RAB30: variants seen among roughly 807,000 people sequenced by gnomAD.
RAB30 encodes the protein RAB30, member RAS oncogene family.
In RAB30, 9 loss-of-function variants were observed where a neutral mutation model predicts 25.1. The observed-to-expected ratio is 0.36, with a 90% CI of 0.22 to 0.63. The LOEUF (loss-of-function observed/expected upper bound fraction) is 0.63. RAB30 is among the 20% of genes least tolerant of loss of function. The pLI is 0.69. For synonymous variants in RAB30, 77 were observed against 86.4 expected, an observed-to-expected ratio of 0.89 and a Z score of 0.60; for missense variants, 140 against 243.5, an observed-to-expected ratio of 0.58 and a Z score of 2.83.
In RAB30 at chr11:82,977,068, A is replaced by C. The variant is rs1009786478; in HGVS notation, c.*5097T>G. On this transcript the variant is annotated 3_prime_UTR_variant, in exon 5 of 5. Coordinates refer to ENST00000527633, the MANE Select transcript of RAB30 (RefSeq NM_001286060.2). ...CTGTTTGTGAGAACTTTAACAGAAGATTCTGCTCTGTTAAAAAGGCCTATC... is the reference window on the plus strand; with the variant it reads ...CTGTTTGTGAGAACTTTAACAGAAGCTTCTGCTCTGTTAAAAAGGCCTATC... 6.6e-6 allele frequency: 1 copy of C among 152,200 alleles called. No individual in the cohort carries two copies. The highest frequency in any genetic ancestry group is 1.5e-5 in the Non-Finnish European group (1 of 68,026). The allele number at this position is 152,200 out of a possible 1,614,324, so 9.4% of individuals were successfully genotyped here.
chr11:83,005,862 A>T (rs553847485), intron 1 of RAB30, among the ~76,000 whole-genome samples: 5 of 152,088 alleles, frequency 3.3e-5, no homozygotes, highest in African/African-American at 1.2e-4. Flanking sequence ...AAAATGAATA[A>T]GAAAAATTCA....
intron 1 of RAB30, among the ~76,000 whole-genome samples, chr11:83,070,060 G>A (rs1858795787): frequency 8.0e-6 from 1 of 125,194 alleles, no homozygotes; most frequent in Non-Finnish European, 1.6e-5. Context: ...TTTTGAAACA[G>A]AAAGGAAAAA....
intron 1 of RAB30, among the ~76,000 whole-genome samples, chr11:83,022,836 T>C (rs1857612258): frequency 6.6e-6 from 1 of 152,168 alleles, no homozygotes; most frequent in African/African-American, 2.4e-5. Context: ...TTTTTTGTTT[T>C]AGATACAATT....
intron 1 of RAB30, among the ~76,000 whole-genome samples, chr11:83,069,977 G>A (rs1858794178): frequency 6.6e-6 from 1 of 152,204 alleles, no homozygotes; most frequent in Non-Finnish European, 1.5e-5. Context: ...GTTCCTAGTT[G>A]AAGTGGAGGA....
chr11:83,032,796 C>T (rs1857898417), intron 1 of RAB30, among the ~76,000 whole-genome samples: 1 of 152,076 alleles, frequency 6.6e-6, no homozygotes, highest in Non-Finnish European at 1.5e-5. Context: ...AGAGTGTACT[C>T]TAAAGGTAAA....
At chr11:83,012,906 T>C (rs996511487) in intron 1 of RAB30, among the ~76,000 whole-genome samples, 4 of 151,968 alleles carry the variant, frequency 2.6e-5, no homozygotes, top group African/African-American at 9.7e-5. Flanking sequence ...CCTAGACAGG[T>C]TCATCCCTTC....
chr11:82,982,156 C>T lies in RAB30; in HGVS notation c.*9G>A, dbSNP rs371330565. The T allele has an allele frequency of 1.2e-5, 19 of 1,613,836 alleles. No individual in the cohort carries two copies. Among genetic ancestry groups the T allele is most frequent in the Non-Finnish European group, 1.5e-5 (18 of 1,179,844 alleles). On this transcript the variant is annotated 3_prime_UTR_variant, in exon 5 of 5. Transcript: ENST00000527633. Reference sequence around the variant, plus strand: ...TTGCTGATTCCTTTTCTTCTCCGTGCCTCAGCCTTTAGTTGAAATTACAAC... The same window carrying T: ...TTGCTGATTCCTTTTCTTCTCCGTGTCTCAGCCTTTAGTTGAAATTACAAC...
intron 1 of RAB30, among the ~76,000 whole-genome samples, chr11:83,031,716 G>A (rs974475250): frequency 1.3e-5 from 2 of 152,022 alleles, no homozygotes; most frequent in African/African-American, 4.8e-5. Flanking sequence ...TAGGAGAGAT[G>A]GGGTTTCTCC....
chr11:83,049,347 G>A (rs1277386924), intron 1 of RAB30, among the ~76,000 whole-genome samples: 1 of 151,118 alleles, frequency 6.6e-6, no homozygotes, highest in Admixed American at 6.6e-5. Flanking sequence ...GGAGGCGGAG[G>A]TTGCAGTGAG....
intron 1 of RAB30, among the ~76,000 whole-genome samples, chr11:83,028,534 A>G (rs1168679326): frequency 2.0e-5 from 3 of 152,208 alleles, no homozygotes; most frequent in Non-Finnish European, 4.4e-5. Flanking sequence ...AGAAGATTTT[A>G]CAAACTGTCA....
chr11:82,990,576 A>T (rs974804079), intron 3 of RAB30, among the ~76,000 whole-genome samples: 1 of 152,232 alleles, frequency 6.6e-6, no homozygotes, highest in African/African-American at 2.4e-5. Context: ...ACAAATACAT[A>T]TAAATACTTT....
At chr11:83,044,814 C>T (rs1858201693) in intron 1 of RAB30, among the ~76,000 whole-genome samples, 1 of 152,142 alleles carries the variant, frequency 6.6e-6, no homozygotes, top group Non-Finnish European at 1.5e-5. Flanking sequence ...CCCCAGGATG[C>T]TTCAGAATAT....
intron 1 of RAB30, among the ~76,000 whole-genome samples, chr11:83,001,332 T>C (rs1445811474): frequency 6.6e-6 from 1 of 152,128 alleles, no homozygotes; most frequent in Non-Finnish European, 1.5e-5. Context: ...CAAGCCACTG[T>C]GCCCAGCTAA....
At chr11:83,048,192 T>C (rs2121517379) in intron 1 of RAB30, among the ~76,000 whole-genome samples, 1 of 152,192 alleles carries the variant, frequency 6.6e-6, no homozygotes, top group East Asian at 1.9e-4. Flanking sequence ...TATGCTGGCC[T>C]AGAAGGTTTA....
intron 1 of RAB30, among the ~76,000 whole-genome samples, chr11:83,017,151 T>A (rs1268911331): frequency 1.3e-5 from 2 of 152,042 alleles, no homozygotes; most frequent in Non-Finnish European, 2.9e-5. Context: ...ACAGCCTGAG[T>A]AACATGGCAA....
chr11:82,994,016 TTAGTGAA>T lies in RAB30; in HGVS notation c.177+16_177+22del. On this transcript the variant is annotated intron_variant, in intron 3 of 4. Coordinates refer to ENST00000527633, the MANE Select transcript of RAB30 (RefSeq NM_001286060.2). ...ACCTCTCACATAGCACCTGACAACC[TTAGTGAA>T]TATTTAGCACCTTACCTTTACTTTT... 6.5e-7 allele frequency: 1 copy of T among 1,549,514 alleles called. No homozygotes were observed. The highest frequency in any genetic ancestry group is 1.4e-5 in the African/African-American group (1 of 73,522).
At chr11:83,034,574 A>T (rs999043573) in intron 1 of RAB30, 3 of 152,176 alleles carry the variant, frequency 2.0e-5, no homozygotes, top group African/African-American at 7.2e-5. Flanking sequence ...TGAAACAGTC[A>T]TTTAAAAAAA....
chr11:82,978,820 T>G lies in RAB30; in HGVS notation c.*3345A>C, dbSNP rs544105160. On this transcript the variant is annotated 3_prime_UTR_variant, in exon 5 of 5. Coordinates refer to ENST00000527633, the MANE Select transcript of RAB30 (RefSeq NM_001286060.2). The stretch of plus-strand genomic sequence containing the variant: ...CAAATCTAAACGGCTTAAATAATCC[T>G]CATCCAAATATCTTATTTTGGCCAA... 1 of 152,330 alleles carries G rather than the reference T, an allele frequency of 6.6e-6. No homozygotes were observed. Among genetic ancestry groups the G allele is most frequent in the South Asian group, 2.1e-4 (1 of 4,828 alleles). 9.4% of individuals were successfully genotyped at this position (152,330 alleles called of 1,614,324 possible).
At chr11:83,012,376 C>T (rs535302880) in intron 1 of RAB30, among the ~76,000 whole-genome samples, 155 of 152,274 alleles carry the variant, frequency 1.0e-3, no homozygotes, top group Non-Finnish European at 1.9e-3. Context: ...TCTGGCTGCC[C>T]CCACAAAGTT....
Sources: allele counts gnomAD v4.1 joint callset (sites outside exome capture counted in the v4.1 genomes callset), GRCh38; gene constraint gnomAD v4.1.1; transcripts MANE v1.5; gene names NCBI Gene and HGNC (gene_info 2026-07-23, HGNC 2026-07-21).